Variants in KBTBD3 observed in about 807,000 individuals in gnomAD.
The protein encoded by KBTBD3 is kelch repeat and BTB domain-containing protein 3.
KBTBD3 carries 38 observed loss-of-function variants against 49.6 expected under a neutral mutation model. The ratio of observed to expected loss-of-function variants is 0.77; its 90% CI spans 0.59 to 1.00. The LOEUF is 1.00. Ranked by LOEUF, KBTBD3 falls within the 50% of genes least tolerant of loss-of-function variation. The probability of loss-of-function intolerance (pLI) is 0.00; values close to 1 mark genes in which losing one functional copy is unlikely to be tolerated. For synonymous variants in KBTBD3, 214 were observed against 250.4 expected, an observed-to-expected ratio of 0.85 and a Z score of 1.37; for missense variants, 661 against 712.0, an observed-to-expected ratio of 0.93 and a Z score of 0.81.
chr11:106,064,438 G>T (rs1004494850), intron 2 of KBTBD3, among the ~76,000 whole-genome samples: 1 of 151,774 alleles, frequency 6.6e-6, no homozygotes, highest in Admixed American at 6.6e-5. Context: ...CCAGCTACTC[G>T]AGAGGCTCAC....
At chr11:106,067,858 AC>A (rs1860838767) in intron 2 of KBTBD3, among the ~76,000 whole-genome samples, 1 of 152,172 alleles carries the variant, frequency 6.6e-6, no homozygotes, top group Non-Finnish European at 1.5e-5. Flanking sequence ...TTAAAAAGTG[AC>A]CCAACTTTAT....
rs1228736037 is a variant in KBTBD3 at position 106,059,100 on chromosome 11, G to A, written c.-3C>T. On this transcript the variant is annotated 5_prime_UTR_variant, in exon 3 of 4. Coordinates refer to ENST00000531837, the MANE Select transcript of KBTBD3 (RefSeq NM_198439.3). ...GAATTATCCATAGCCAATTCCATAT[G>A]TCCTTAGAACTAGAATAAAAACAAA... is the stretch of plus-strand genomic sequence containing the variant. 5 of 1,526,166 alleles carry A rather than the reference G, an allele frequency of 3.3e-6. No individual in the cohort carries two copies. Among genetic ancestry groups the A allele is most frequent in the Non-Finnish European group, 3.5e-6 (4 of 1,139,514 alleles). The allele number at this position is 1,526,166 out of a possible 1,614,324, so 94.5% of individuals were successfully genotyped here. A position where few individuals can be genotyped will look rare whatever the true frequency, so the allele number is the denominator to read the frequency against.
intron 3 of KBTBD3, among the ~76,000 whole-genome samples, chr11:106,058,489 A>G (rs1057490192): frequency 2.0e-5 from 3 of 151,158 alleles, no homozygotes; most frequent in African/African-American, 7.3e-5. Context: ...CGGTGGCGCG[A>G]TCTCAGCTCA....
intron 3 of KBTBD3, among the ~76,000 whole-genome samples, chr11:106,056,063 T>C (rs890238031): frequency 3.3e-5 from 5 of 152,216 alleles, no homozygotes; most frequent in African/African-American, 1.2e-4. Flanking sequence ...AATTTTTGTT[T>C]TCCAAAAACA....
chr11:106,062,951 A>G (rs959788548), intron 2 of KBTBD3, among the ~76,000 whole-genome samples: 1 of 152,248 alleles, frequency 6.6e-6, no homozygotes, highest in Non-Finnish European at 1.5e-5. Context: ...AGTCACTTGT[A>G]AGACTGTTTT....
At chr11:106,058,671 G>T in intron 3 of KBTBD3, 194 bp downstream of exon 3, 1 of 516,548 alleles carries the variant, frequency 1.9e-6, no homozygotes, top group Non-Finnish European at 3.3e-6. Context: ...TGATCCGCCC[G>T]CCTTGGCCTC....
At chr11:106,056,913 C>T (rs1366902947) in intron 3 of KBTBD3, among the ~76,000 whole-genome samples, 1 of 152,116 alleles carries the variant, frequency 6.6e-6, no homozygotes, top group Admixed American at 6.5e-5. Flanking sequence ...GGAGGGAAGA[C>T]ACTGGTAGAA....
Position 106,054,049 on chromosome 11 carries a change from T to A in KBTBD3, c.640A>T (p.Met214Leu). 6.2e-7 allele frequency: 1 copy of A among 1,613,704 alleles called. No individual in the cohort carries two copies. Residue 214 changes from methionine to leucine, a missense_variant, in exon 4 of 4, where the codon ATG becomes TTG. Physicochemically the swap from Met to Leu is conservative, Grantham distance 15. Transcript: ENST00000531837. The stretch of plus-strand genomic sequence containing the variant: ...CAACTAAGGACAACTTTCAGTACCA[T>A]TTCTTCTTCAGGAACATTTAATTCA... ...SDELNVPEEE[M>L]VLKVVLSWTK...
intron 3 of KBTBD3, among the ~76,000 whole-genome samples, chr11:106,055,460 A>G (rs113856507): frequency 4.6e-5 from 7 of 152,342 alleles, no homozygotes; most frequent in Non-Finnish European, 8.8e-5. Context: ...ACAACATCCA[A>G]CTGAAAAATA....
At chr11:106,070,026 C>A (rs1860887700) in intron 2 of KBTBD3, among the ~76,000 whole-genome samples, 1 of 151,742 alleles carries the variant, frequency 6.6e-6, no homozygotes, top group Non-Finnish European at 1.5e-5. Context: ...TCTTTTTTAA[C>A]AAAAAATGCT....
chr11:106,065,328 G>A (rs773576830), intron 2 of KBTBD3, among the ~76,000 whole-genome samples: 6 of 152,144 alleles, frequency 3.9e-5, no homozygotes, highest in Non-Finnish European at 7.3e-5. Context: ...ATACATGATC[G>A]ATATGTACAC....
chr11:106,053,190 G>A lies in KBTBD3; in HGVS notation c.1499C>T (p.Thr500Ile), dbSNP rs755284511. ...GTTTACTGGTACAGCTTTAATTAATGTTGCATGAAAAAATTGCCCAAACTC... is the reference window on the plus strand; with the variant it reads ...GTTTACTGGTACAGCTTTAATTAATATTGCATGAAAAAATTGCCCAAACTC... ...VAEFGQFFHA[T>I]LIKAVPVNCT... Residue 500 changes from threonine (T) to isoleucine (I), a missense_variant, in exon 4 of 4, where the codon ACA (threonine) becomes ATA (isoleucine). Transcript: ENST00000531837. 2.5e-6 allele frequency: 4 copies of A among 1,613,416 alleles called. No homozygotes were observed. The highest frequency in any genetic ancestry group is 1.3e-5 in the African/African-American group (1 of 74,872).
At chr11:106,068,336 A>C (rs957416401) in intron 2 of KBTBD3, among the ~76,000 whole-genome samples, 1 of 152,192 alleles carries the variant, frequency 6.6e-6, no homozygotes, top group African/African-American at 2.4e-5. Context: ...TCAATAACAA[A>C]AAGATAACAT....
At chr11:106,075,214 T>C (rs1400028522) in intron 2 of KBTBD3, among the ~76,000 whole-genome samples, 1 of 152,338 alleles carries the variant, frequency 6.6e-6, no homozygotes, top group Admixed American at 6.5e-5. Context: ...AGTCCTCTTC[T>C]TCCCCTGACC....
intron 2 of KBTBD3, among the ~76,000 whole-genome samples, chr11:106,065,592 A>G (rs1460020108): frequency 6.6e-6 from 1 of 152,212 alleles, no homozygotes; most frequent in Non-Finnish European, 1.5e-5. Context: ...AATTTGGGGT[A>G]AAATAGGGAG....
chr11:106,076,054 A>G (rs1861022382), intron 2 of KBTBD3: 1 of 152,266 alleles, frequency 6.6e-6, no homozygotes, highest in African/African-American at 2.4e-5. Context: ...AACGTAATGT[A>G]TCAAAGTTAT....
At chr11:106,063,563 T>G (rs1434556339) in intron 2 of KBTBD3, among the ~76,000 whole-genome samples, 1 of 152,024 alleles carries the variant, frequency 6.6e-6, no homozygotes, top group African/African-American at 2.4e-5. Context: ...TAACTTCTAA[T>G]TTTTTATTAT....
chr11:106,067,609 C>A (rs74759316), intron 2 of KBTBD3, among the ~76,000 whole-genome samples: 48 of 141,090 alleles, frequency 3.4e-4, no homozygotes, highest in Admixed American at 5.5e-4. Flanking sequence ...AAAACTCCGT[C>A]AAAAAAAAAA....
chr11:106,054,313 A>G lies in KBTBD3; in HGVS notation c.376T>C (p.Phe126Leu), dbSNP rs781673135. 6.2e-7 allele frequency: 1 copy of G among 1,613,430 alleles called. No individual in the cohort carries two copies. Among genetic ancestry groups the G allele is most frequent in the Admixed American group, 1.7e-5 (1 of 59,900 alleles). ...KITDDNVEMF[F>L]QLSSFLQVSF... ...ACTTGAAGAAATGATGACAACTGGA[A>G]GAACATTTCCACATTATCATCTGTT... Residue 126 changes from phenylalanine to leucine, a missense_variant, in exon 4 of 4, where the codon TTC (phenylalanine) becomes CTC (leucine). Coordinates refer to ENST00000531837, the MANE Select transcript of KBTBD3 (RefSeq NM_198439.3).
Sources: gnomAD v4.1 joint callset for allele counts (sites outside exome capture counted in the v4.1 genomes callset) on GRCh38, gnomAD v4.1.1 for gene constraint, MANE v1.5 for transcripts, NCBI Gene and HGNC (gene_info 2026-07-23, HGNC 2026-07-21) for gene names.